INHBB: variants seen among roughly 807,000 people sequenced by gnomAD.
The protein encoded by INHBB is inhibin subunit beta B.
INHBB carries 8 observed loss-of-function variants against 28.9 expected under a neutral mutation model. The ratio of observed to expected loss-of-function variants is 0.28; its 90% confidence interval spans 0.16 to 0.50. INHBB has a LOEUF of 0.50. INHBB is among the 20% of genes least tolerant of loss of function. The probability of loss-of-function intolerance (pLI) is 0.98; values close to 1 mark genes in which losing one functional copy is unlikely to be tolerated. For synonymous variants in INHBB, 293 were observed against 262.7 expected, an observed-to-expected ratio of 1.12 and a Z score of -1.12; for missense variants, 499 against 597.8, an observed-to-expected ratio of 0.83 and a Z score of 1.72.
At chr2:120,347,038 G>A (rs1691167965) in intron 1 of INHBB, among the ~76,000 whole-genome samples, 1 of 152,248 alleles carries the variant, frequency 6.6e-6, no homozygotes, top group Non-Finnish European at 1.5e-5. Flanking sequence ...GGAGATGTGT[G>A]TGCTTGTTGA....
chr2:120,349,467 C>A lies in INHBB; in HGVS notation c.817C>A (p.Arg273=). The change falls in exon 2 of 2, where the codon CGG becomes AGG. Residue 273 remains arginine (R), a synonymous_variant. Transcript: ENST00000295228. The surrounding 1 kb of genome is among the most constrained non-coding windows in gnomAD (Gnocchi z 5.6). ...CGTGGACCCAGGCGAAGAGTCGCAC[C>A]GGCCCTTTGTGGTGGTGCAGGCTCG... ...VFVDPGEESH[R]PFVVVQARLG... 6.2e-7 allele frequency: 1 copy of A among 1,613,702 alleles called. No individual in the cohort carries two copies. Among genetic ancestry groups the A allele is most frequent in the Non-Finnish European group, 8.5e-7 (1 of 1,180,016 alleles).
In INHBB at chr2:120,349,826, C is replaced by T; in HGVS notation, c.1176C>T (p.Val392=). 2 of 1,613,074 alleles carry T rather than the reference C, an allele frequency of 1.2e-6. No homozygotes were observed. The highest frequency in any genetic ancestry group is 1.7e-6 in the Non-Finnish European group (2 of 1,179,964). ...ACTTCGATGATGAGTACAACATCGT[C>T]AAGCGGGACGTGCCCAACATGATTG... ...MLYFDDEYNI[V]KRDVPNMIVE... is the part of the protein sequence containing the mutation. The change falls in exon 2 of 2, where the codon GTC becomes GTT. Residue 392 remains valine (V), a synonymous_variant. Coordinates refer to ENST00000295228, the MANE Select transcript of INHBB (RefSeq NM_002193.4). This position sits in a 1 kb window ranked among gnomAD's most constrained non-coding sequence, Gnocchi z 5.6.
Position 120,349,577 on chromosome 2 carries a change from C to T in INHBB, c.927C>T (p.Phe309=). The change falls in exon 2 of 2, where the codon TTC becomes TTT. Residue 309 remains phenylalanine (F), a synonymous_variant. Coordinates refer to ENST00000295228, the MANE Select transcript of INHBB (RefSeq NM_002193.4). This position sits in a 1 kb window ranked among gnomAD's most constrained non-coding sequence, Gnocchi z 5.6. The part of the protein sequence containing the change: ...RTNLCCRQQF[F]IDFRLIGWND... Reference sequence around the variant, plus strand: ...ACCTCTGTTGCAGGCAACAGTTCTTCATTGACTTCCGCCTCATCGGCTGGA... The same window carrying T: ...ACCTCTGTTGCAGGCAACAGTTCTTTATTGACTTCCGCCTCATCGGCTGGA... 6.2e-7 allele frequency: 1 copy of T among 1,614,124 alleles called. No homozygotes were observed. The highest frequency in any genetic ancestry group is 8.5e-7 in the Non-Finnish European group (1 of 1,180,048).
In INHBB at chr2:120,349,031, A is replaced by T; in HGVS notation, c.449-68A>T. 1.3e-6 allele frequency: 2 copies of T among 1,500,834 alleles called. No individual in the cohort carries two copies. The highest frequency in any genetic ancestry group is 1.8e-6 in the Non-Finnish European group (2 of 1,112,298). The allele number at this position is 1,500,834 out of a possible 1,614,324, so 93.0% of individuals were successfully genotyped here. ...TGCATTCCAGCATCCTGCAGCAGAG[A>T]GTGTGTTTCCCCCATTGCCTTGTGT... On this transcript the variant is annotated intron_variant, in intron 1 of 1. Transcript: ENST00000295228. The surrounding 1 kb of genome is among the most constrained non-coding windows in gnomAD (Gnocchi z 5.6).
rs1691209746 is a variant in INHBB at position 120,349,033 on chromosome 2, T to A, written c.449-66T>A. ...CATTCCAGCATCCTGCAGCAGAGAG[T>A]GTGTTTCCCCCATTGCCTTGTGTTC... On this transcript the variant is annotated intron_variant, in intron 1 of 1. Transcript: ENST00000295228. The surrounding 1 kb of genome is among the most constrained non-coding windows in gnomAD (Gnocchi z 5.6). The A allele has an allele frequency of 2.0e-6, 3 of 1,504,188 alleles. No homozygotes were observed. Among genetic ancestry groups the A allele is most frequent in the Non-Finnish European group, 2.7e-6 (3 of 1,115,700 alleles). The allele number at this position is 1,504,188 out of a possible 1,614,324, so 93.2% of individuals were successfully genotyped here.
chr2:120,346,362 C>T lies in INHBB; in HGVS notation c.174C>T (p.Cys58=), dbSNP rs1691152205. ...PGGSQDTCTS[C]GGFRRPEELG... ...GCTCGCAGGACACCTGTACGTCGTG[C>T]GGCGGCTTCCGGCGGCCAGAGGAGC... The change falls in exon 1 of 2, where the codon TGC becomes TGT. Residue 58 remains cysteine, a synonymous_variant. Coordinates refer to ENST00000295228, the MANE Select transcript of INHBB (RefSeq NM_002193.4). The T allele has an allele frequency of 1.4e-6, 2 of 1,478,896 alleles. No homozygotes were observed. Among genetic ancestry groups the T allele is most frequent in the Non-Finnish European group, 1.8e-6 (2 of 1,121,118 alleles). 91.6% of individuals were successfully genotyped at this position (1,478,896 alleles called of 1,614,324 possible).
chr2:120,346,478 C>T lies in INHBB; in HGVS notation c.290C>T (p.Ala97Val). The T allele has an allele frequency of 6.4e-7, 1 of 1,558,084 alleles. No individual in the cohort carries two copies. Among genetic ancestry groups the T allele is most frequent in the South Asian group, 1.2e-5 (1 of 85,538 alleles). Residue 97 changes from alanine (A) to valine (V), a missense_variant, in exon 1 of 2, where the codon GCC (alanine) becomes GTC (valine). Ala to Val is a moderately conservative substitution (Grantham distance 64, BLOSUM62 0). Around this residue, in one of 2 missense-constraint regions of INHBB, gnomAD observed 385 missense variants for 415.2 expected, o/e 0.93. Transcript: ENST00000295228. The part of the protein sequence containing the change: ...QMRGRPNITH[A>V]VPKAAMVTAL... ...CGGGGCCGGCCCAACATCACGCACG[C>T]CGTGCCTAAGGCCGCCATGGTCACG...
rs781770753 is a variant in INHBB, at chr2:120,349,869, G to A, written c.1219G>A (p.Ala407Thr). 4.0e-5 allele frequency: 65 copies of A among 1,607,260 alleles called. No homozygotes were observed. In the Admixed American group the frequency reaches 5.3e-4, roughly 13 times the overall value. Residue 407 changes from alanine to threonine, a missense_variant, in exon 2 of 2, where the codon GCC (alanine) becomes ACC (threonine). Ala to Thr is a moderately conservative substitution (Grantham distance 58). Around this residue, in one of 2 missense-constraint regions of INHBB, gnomAD observed 114 missense variants for 182.6 expected, o/e 0.62. Coordinates refer to ENST00000295228, the MANE Select transcript of INHBB (RefSeq NM_002193.4). This position sits in a 1 kb window ranked among gnomAD's most constrained non-coding sequence, Gnocchi z 5.6. ...PNMIVEECGC[A>T] ...CATGATTGTGGAGGAGTGCGGCTGC[G>A]CCTGACAGTGCAAGGCAGGGGCACG...
Position 120,350,041 on chromosome 2 carries a change from G to C in INHBB, c.*167G>C, listed in dbSNP as rs1691233228. 4 of 670,094 alleles carry C rather than the reference G, an allele frequency of 6.0e-6. No individual in the cohort carries two copies. Among genetic ancestry groups the C allele is most frequent in the Non-Finnish European group, 9.9e-6 (4 of 402,180 alleles). The allele number at this position is 670,094 out of a possible 1,614,324, so 41.5% of individuals were successfully genotyped here. On this transcript the variant is annotated 3_prime_UTR_variant, in exon 2 of 2. Coordinates refer to ENST00000295228, the MANE Select transcript of INHBB (RefSeq NM_002193.4). ...TGAGATATTTTTCTACAGCTTCATA[G>C]AGCAACCAGTCAAAACCAGAGCGAG...
rs1269321605 is a variant in INHBB at position 120,349,323 on chromosome 2, G to A, written c.673G>A (p.Gly225Ser). The change falls in exon 2 of 2, where the codon GGC becomes AGC. Residue 225 changes from glycine (G) to serine (S), a missense_variant. Gly to Ser is a moderately conservative substitution (Grantham distance 56). Transcript: ENST00000295228. The surrounding 1 kb of genome is among the most constrained non-coding windows in gnomAD (Gnocchi z 5.6). ...VEKRVDLKRS[G>S]WHTFPLTEAI... The stretch of plus-strand genomic sequence containing the variant: ...GAAGAGGGTGGACCTCAAGCGCAGC[G>A]GCTGGCATACCTTCCCACTCACGGA... 4 of 1,614,014 alleles carry A rather than the reference G, an allele frequency of 2.5e-6. No homozygotes were observed. Among genetic ancestry groups the A allele is most frequent in the South Asian group, 2.2e-5 (2 of 91,086 alleles).
intron 1 of INHBB, among the ~76,000 whole-genome samples, chr2:120,348,136 G>A (rs574427980): frequency 2.6e-5 from 4 of 151,004 alleles, no homozygotes; most frequent in Admixed American, 2.0e-4. Context: ...AGCCAGGCGA[G>A]GCCTGAGGTA....
chr2:120,346,717 GCCGCCA>G (rs1265184451), intron 1 of INHBB, 81 bp downstream of exon 1: 30 of 1,302,594 alleles, frequency 2.3e-5, no homozygotes, highest in Non-Finnish European at 3.0e-5. Context: ...GGCTGCCACC[GCCGCCA>G]CCGCAGCCCG....
chr2:120,348,675 AAAAG>A (rs1173426915), intron 1 of INHBB, among the ~76,000 whole-genome samples: 2 of 151,506 alleles, frequency 1.3e-5, no homozygotes, highest in South Asian at 2.1e-4. Flanking sequence ...AAAAAAAAAA[AAAAG>A]CCCTACTAAA....
At position 120,349,556 on chromosome 2, in the gene INHBB, C is replaced by G. The variant is rs1445997143; in HGVS notation, c.906C>G (p.Leu302=). The change falls in exon 2 of 2, where the codon CTC becomes CTG. Residue 302 remains leucine (L), a synonymous_variant. Transcript: ENST00000295228. This position sits in a 1 kb window ranked among gnomAD's most constrained non-coding sequence, Gnocchi z 5.6. ...RGLECDGRTN[L]CCRQQFFIDF... ...TGGAGTGCGATGGCCGGACCAACCT[C>G]TGTTGCAGGCAACAGTTCTTCATTG... is the stretch of plus-strand genomic sequence containing the variant. 1 of 1,613,984 alleles carries G rather than the reference C, an allele frequency of 6.2e-7. No individual in the cohort carries two copies. The highest frequency in any genetic ancestry group is 8.5e-7 in the Non-Finnish European group (1 of 1,180,052).
At chr2:120,347,684 G>A (rs1198651636) in intron 1 of INHBB, among the ~76,000 whole-genome samples, 3 of 152,148 alleles carry the variant, frequency 2.0e-5, no homozygotes, top group Non-Finnish European at 2.9e-5. Flanking sequence ...TGGGGGGAGC[G>A]GTTGTGCCCC....
intron 1 of INHBB, among the ~76,000 whole-genome samples, chr2:120,348,488 G>C (rs532376751): frequency 6.6e-6 from 1 of 151,984 alleles, no homozygotes; most frequent in Admixed American, 6.5e-5. Context: ...TTCTATAAGG[G>C]CTAGGCTCTG....
Position 120,349,952 on chromosome 2 carries a change from G to A in INHBB, c.*78G>A. ...CTTCTTCCAGCCCCCGCGGGAACGG[G>A]GGTACACGGTGGGCTGAGTACAGTC... On this transcript the variant is annotated 3_prime_UTR_variant, in exon 2 of 2. Coordinates refer to ENST00000295228, the MANE Select transcript of INHBB (RefSeq NM_002193.4). This position sits in a 1 kb window ranked among gnomAD's most constrained non-coding sequence, Gnocchi z 5.6. 1 of 1,428,296 alleles carries A rather than the reference G, an allele frequency of 7.0e-7. No homozygotes were observed. The allele number at this position is 1,428,296 out of a possible 1,614,324, so 88.5% of individuals were successfully genotyped here.
At chr2:120,346,701 A>AG in intron 1 of INHBB, 65 bp downstream of exon 1, 2 of 1,342,958 alleles carry the variant, frequency 1.5e-6, no homozygotes, top group Non-Finnish European at 9.6e-7. Flanking sequence ...TCTCCTTGCT[A>AG]GCTCCGGCTG....
rs1472710401 is a variant in INHBB at position 120,351,236 on chromosome 2, C to G, written c.*1362C>G. 6.6e-6 allele frequency: 1 copy of G among 152,660 alleles called. No homozygotes were observed. Among genetic ancestry groups the G allele is most frequent in the Non-Finnish European group, 1.5e-5 (1 of 68,052 alleles). 9.5% of individuals were successfully genotyped at this position (152,660 alleles called of 1,614,324 possible). On this transcript the variant is annotated 3_prime_UTR_variant, in exon 2 of 2. Coordinates refer to ENST00000295228, the MANE Select transcript of INHBB (RefSeq NM_002193.4). ...ATGCAATTTAAAGGGTTGACCCACA[C>G]TAGACGAAACTGGACTCGTACGACT...
Sources: gnomAD v4.1 joint callset for allele counts (sites outside exome capture counted in the v4.1 genomes callset) on GRCh38, gnomAD v4.1.1 for gene constraint, gnomAD v4.1.1 regional missense constraint, Gnocchi (gnomAD v3.1) non-coding constraint, MANE v1.5 for transcripts, NCBI Gene and HGNC (gene_info 2026-07-23, HGNC 2026-07-21) for gene names.